STXBP5: variants seen among roughly 807,000 people sequenced by gnomAD.
STXBP5 encodes syntaxin binding protein 5.
In STXBP5, 50 loss-of-function variants were observed where a neutral mutation model predicts 152.4. The observed-to-expected ratio is 0.33, with a 90% CI of 0.26 to 0.42. The LOEUF (loss-of-function observed/expected upper bound fraction) is 0.42. Ranked by LOEUF, STXBP5 falls within the 10% of genes least tolerant of loss-of-function variation. The pLI, the probability that STXBP5 is intolerant of heterozygous loss-of-function variation, is 1.00. For synonymous variants in STXBP5, 492 were observed against 494.7 expected (o/e 0.99, Z 0.07); for missense variants, 1,167 against 1,388.6 (o/e 0.84, Z 2.54).
rs758543124 is a variant in STXBP5, at chr6:147,334,164, G to T, written c.2088G>T (p.Leu696=). The T allele has an allele frequency of 1.2e-6, 2 of 1,612,736 alleles. No individual in the cohort carries two copies. Among genetic ancestry groups the T allele is most frequent in the Non-Finnish European group, 1.7e-6 (2 of 1,179,582 alleles). ...TTTGTTTTTGTTTTGTAGCCGGTCT[G>T]TGTGATATTAGTGAAGGGACTGTTG... ...RKSRQPSGAG[L]CDISEGTVVP... is the part of the protein sequence containing the mutation. Residue 696 remains leucine, a synonymous_variant, in exon 19 of 28, where the codon CTG becomes CTT. Coordinates refer to ENST00000321680, the MANE Select transcript of STXBP5 (RefSeq NM_001127715.4).
chr6:147,243,679 CTG>C (rs1778658592), intron 4 of STXBP5, among the ~76,000 whole-genome samples: 1 of 152,074 alleles, frequency 6.6e-6, no homozygotes, highest in Non-Finnish European at 1.5e-5. Flanking sequence ...AGATTGCCTC[CTG>C]TGTTATGTTG....
At chr6:147,382,645 C>A in intron 26 of STXBP5, 133 bp from the exon 27 acceptor site, 1 of 856,306 alleles carries the variant, frequency 1.2e-6, no homozygotes, top group Non-Finnish European at 1.8e-6. Flanking sequence ...ATGTATTAAG[C>A]ATATTTCACT....
chr6:147,292,348 A>C, intron 9 of STXBP5: 1 of 412,272 alleles, frequency 2.4e-6, no homozygotes, highest in South Asian at 1.8e-5. Flanking sequence ...TGACTCTTGC[A>C]TCCTTCATTG....
chr6:147,382,950 T>G lies in STXBP5; in HGVS notation c.3366T>G (p.Thr1122=). 6.2e-7 allele frequency: 1 copy of G among 1,613,452 alleles called. No individual in the cohort carries two copies. The highest frequency in any genetic ancestry group is 8.5e-7 in the Non-Finnish European group (1 of 1,179,648). The change falls in exon 27 of 28, where the codon ACT becomes ACG. Residue 1122 remains threonine, a synonymous_variant. Transcript: ENST00000321680. ...AACTTGGCGATCTGGAAGAAAGAAC[T>G]GCGGCCATGTTATCAAGTGCAGAGT... ...GQKLGDLEER[T]AAMLSSAESF... is the part of the protein sequence containing the mutation.
At chr6:147,288,126 A>G (rs1562464013) in intron 8 of STXBP5, among the ~76,000 whole-genome samples, 1 of 152,132 alleles carries the variant, frequency 6.6e-6, no homozygotes, top group Non-Finnish European at 1.5e-5. Flanking sequence ...ATTTGCCTCA[A>G]CTGAAACTAC....
At chr6:147,345,409 T>G (rs1432096780) in intron 21 of STXBP5, among the ~76,000 whole-genome samples, 1 of 152,212 alleles carries the variant, frequency 6.6e-6, no homozygotes, top group Non-Finnish European at 1.5e-5. Flanking sequence ...ACTTTTCTTC[T>G]TGGATTCCTT....
At chr6:147,272,992 C>A (rs931074927) in intron 7 of STXBP5, among the ~76,000 whole-genome samples, 1 of 151,868 alleles carries the variant, frequency 6.6e-6, no homozygotes, top group Non-Finnish European at 1.5e-5. Flanking sequence ...ACAGATGATA[C>A]TTCATCTATA....
chr6:147,209,788 A>G (rs545311760), intron 2 of STXBP5, among the ~76,000 whole-genome samples: 63 of 152,276 alleles, frequency 4.1e-4, no homozygotes, highest in African/African-American at 1.5e-3. Flanking sequence ...AAGTATTCAG[A>G]ATGACAGGGA....
rs551518103 is a variant in STXBP5 at position 147,239,221 on chromosome 6, C to T, written c.382C>T (p.Arg128Cys). The T allele has an allele frequency of 1.8e-5, 29 of 1,613,640 alleles. 1 individual carries two copies. In the South Asian group the frequency reaches 2.2e-4, roughly 12 times the overall value. Residue 128 changes from arginine (R) to cysteine (C), a missense_variant, in exon 4 of 28, where the codon CGT becomes TGT. Arg to Cys is a radical substitution (Grantham distance 180). Transcript: ENST00000321680. ...ADDTLHLWNL[R>C]QKRPAILHSL... ...TGACACCTTACACTTATGGAATTTA[C>T]GTCAGAAGAGGCCTGCCATACTACA... is the stretch of plus-strand genomic sequence containing the variant.
intron 4 of STXBP5, among the ~76,000 whole-genome samples, chr6:147,248,965 C>T (rs558923869): frequency 1.4e-4 from 22 of 152,202 alleles, no homozygotes; most frequent in Admixed American, 3.9e-4. Context: ...TGTAGGAATA[C>T]CAGTGGCCTC....
At chr6:147,350,647 G>C (rs1416457087) in intron 21 of STXBP5, among the ~76,000 whole-genome samples, 1 of 151,912 alleles carries the variant, frequency 6.6e-6, no homozygotes, top group South Asian at 2.1e-4. Context: ...TTTTGTTTTA[G>C]TTTCTTAGAA....
intron 18 of STXBP5, among the ~76,000 whole-genome samples, chr6:147,331,881 G>GT (rs1362498245): frequency 6.6e-6 from 1 of 150,514 alleles, no homozygotes; most frequent in African/African-American, 2.4e-5. Context: ...AAGTACTTAG[G>GT]TTTTTGTTCC....
At chr6:147,336,655 A>G (rs1401145761) in intron 19 of STXBP5, among the ~76,000 whole-genome samples, 1 of 152,118 alleles carries the variant, frequency 6.6e-6, no homozygotes, top group Non-Finnish European at 1.5e-5. Context: ...TAGTTGAGTG[A>G]TGCATTATAG....
chr6:147,328,589 A>T, intron 18 of STXBP5: 1 of 333,300 alleles, frequency 3.0e-6, no homozygotes, highest in Non-Finnish European at 6.1e-6. Flanking sequence ...TTTTTTTTTA[A>T]TGTGATCATT....
chr6:147,204,701 C>A lies in STXBP5; in HGVS notation c.150+19C>A, dbSNP rs756151736. On this transcript the variant is annotated intron_variant, in intron 1 of 27. Transcript: ENST00000321680. This position sits in a 1 kb window ranked among gnomAD's most constrained non-coding sequence, Gnocchi z 4.3. ...CTGCAAGGTGAACGGAGCGCGCAGC[C>A]CCGCGACACCGTCATTGAAAAATTG... 2 of 1,539,158 alleles carry A rather than the reference C, an allele frequency of 1.3e-6. No individual in the cohort carries two copies. Among genetic ancestry groups the A allele is most frequent in the Non-Finnish European group, 1.8e-6 (2 of 1,140,580 alleles).
intron 9 of STXBP5, among the ~76,000 whole-genome samples, chr6:147,298,717 A>C (rs1051676566): frequency 6.6e-6 from 1 of 152,092 alleles, no homozygotes; most frequent in African/African-American, 2.4e-5. Flanking sequence ...ATTACTCATC[A>C]TGCTCTGAAT....
In STXBP5 at chr6:147,339,229, A is replaced by G. The variant is rs558583326; in HGVS notation, c.2197A>G (p.Ile733Val). The change falls in exon 20 of 28, where the codon ATA (isoleucine) becomes GTA (valine). Residue 733 changes from isoleucine to valine, a missense_variant. Physicochemically the swap from Ile to Val is conservative, Grantham distance 29. Around this residue, in one of 3 missense-constraint regions of STXBP5, gnomAD observed 833 missense variants for 986.3 expected, o/e 0.84. Transcript: ENST00000321680. ...SDDEQKMNNFIEKVKTKSRKF... is the reference protein window; with the variant it reads ...SDDEQKMNNFVEKVKTKSRKF... ...TGATGAACAAAAAATGAATAATTTT[A>G]TAGAAAAGGGTATAGTATCTTGATT... 2 of 1,537,556 alleles carry G rather than the reference A, an allele frequency of 1.3e-6. No individual in the cohort carries two copies. Among genetic ancestry groups the G allele is most frequent in the Non-Finnish European group, 1.8e-6 (2 of 1,141,870 alleles).
chr6:147,373,892 G>A (rs878867831), intron 26 of STXBP5, 50 bp downstream of exon 26: 1 of 1,442,078 alleles, frequency 6.9e-7, no homozygotes, highest in Admixed American at 2.0e-5. Context: ...ACAGGAACAA[G>A]CCATACAAAA....
chr6:147,364,071 T>C lies in STXBP5; in HGVS notation c.2986T>C (p.Phe996Leu). Reference sequence around the variant, plus strand: ...TACCAATATGCGGATAGCCAGAACGTTCTGCTTTACCAACAATGGACAAGC... The same window carrying C: ...TACCAATATGCGGATAGCCAGAACGCTCTGCTTTACCAACAATGGACAAGC... Reference protein sequence around the residue: ...PLTNMRIARTFCFTNNGQALY... With the variant: ...PLTNMRIARTLCFTNNGQALY... The change falls in exon 25 of 28, where the codon TTC becomes CTC. Residue 996 changes from phenylalanine (F) to leucine (L), a missense_variant. Physicochemically the swap from Phe to Leu is conservative, Grantham distance 22. Coordinates refer to ENST00000321680, the MANE Select transcript of STXBP5 (RefSeq NM_001127715.4). 6.2e-7 allele frequency: 1 copy of C among 1,614,104 alleles called. No homozygotes were observed. Among genetic ancestry groups the C allele is most frequent in the Non-Finnish European group, 8.5e-7 (1 of 1,179,996 alleles).
Sources: allele counts gnomAD v4.1 joint callset (sites outside exome capture counted in the v4.1 genomes callset), GRCh38; gene constraint gnomAD v4.1.1; regional missense constraint gnomAD v4.1.1; non-coding constraint Gnocchi (gnomAD v3.1); transcripts MANE v1.5; gene names NCBI Gene and HGNC (gene_info 2026-07-23, HGNC 2026-07-21).